Variants in KAZN observed in about 807,000 individuals in gnomAD.
The protein encoded by KAZN is kazrin.
KAZN carries 40 observed loss-of-function variants against 87.4 expected under a neutral mutation model. The ratio of observed to expected loss-of-function variants is 0.46; its 90% CI spans 0.36 to 0.60. The LOEUF is 0.60. Among genes scored for constraint, KAZN ranks in the 20% least tolerant of loss-of-function variants. KAZN has a pLI of 0.00. For synonymous variants in KAZN, 466 were observed against 458.3 expected (o/e 1.02, Z -0.22); for missense variants, 898 against 1,073.9 (o/e 0.84, Z 2.29).
chr1:14,447,557 A>G (rs371583842), intron 2 of KAZN, among the ~76,000 whole-genome samples: 4 of 151,792 alleles, frequency 2.6e-5, no homozygotes, highest in African/African-American at 9.7e-5. Flanking sequence ...CATTTTAACA[A>G]CCTAGACATT....
At chr1:14,656,031 C>G (rs916498827) in intron 1 of KAZN, among the ~76,000 whole-genome samples, 3 of 152,188 alleles carry the variant, frequency 2.0e-5, no homozygotes, top group African/African-American at 7.2e-5. Flanking sequence ...AACCTTCATT[C>G]AACCCACACT....
intron 1 of KAZN, among the ~76,000 whole-genome samples, chr1:13,901,283 A>G (rs911571187): frequency 2.0e-5 from 3 of 152,218 alleles, no homozygotes; most frequent in Non-Finnish European, 2.9e-5. Context: ...ATGTTAAATC[A>G]TACGGTCACC....
chr1:14,983,953 TAATTA>T (rs531193897), intron 2 of KAZN, among the ~76,000 whole-genome samples: 143 of 151,680 alleles, frequency 9.4e-4, no homozygotes, highest in African/African-American at 3.2e-3. Context: ...AAAAATAAAT[TAATTA>T]AATTAAATTA....
At chr1:14,093,501 C>T (rs1170783557) in intron 1 of KAZN, among the ~76,000 whole-genome samples, 1 of 152,104 alleles carries the variant, frequency 6.6e-6, no homozygotes, top group Non-Finnish European at 1.5e-5. Flanking sequence ...GAACTAATTC[C>T]TTCCCTGTCT....
chr1:14,156,895 G>A (rs1007801968), intron 1 of KAZN, among the ~76,000 whole-genome samples: 1 of 140,428 alleles, frequency 7.1e-6, no homozygotes, highest in African/African-American at 2.6e-5. Flanking sequence ...TTTTCTGGTT[G>A]TTTTGTGGTC....
At chr1:14,387,229 A>C (rs1661993934) in intron 2 of KAZN, among the ~76,000 whole-genome samples, 1 of 151,958 alleles carries the variant, frequency 6.6e-6, no homozygotes, top group Non-Finnish European at 1.5e-5. Flanking sequence ...TTTTTTTCAA[A>C]GTTTTCAACT....
intron 2 of KAZN, among the ~76,000 whole-genome samples, chr1:14,455,046 G>A (rs1370129621): frequency 8.4e-6 from 1 of 119,176 alleles, no homozygotes; most frequent in Non-Finnish European, 1.9e-5. Context: ...ACTTAGCAAT[G>A]AGCTTCCCCA....
intron 2 of KAZN, among the ~76,000 whole-genome samples, chr1:14,970,189 T>G (rs2311970): frequency 0.58 from 88,637 of 152,086 alleles, 29,206 homozygotes; most frequent in African/African-American, 0.9. Flanking sequence ...CAGAAAAGTT[T>G]CTAAGATAGT....
intron 1 of KAZN, among the ~76,000 whole-genome samples, chr1:14,855,050 T>C (rs941950333): frequency 2.0e-5 from 3 of 152,040 alleles, no homozygotes; most frequent in Non-Finnish European, 2.9e-5. Context: ...CAAGCAGACC[T>C]GGAGTGCAGA....
intron 2 of KAZN, among the ~76,000 whole-genome samples, chr1:14,181,638 T>C (rs1345507998): frequency 2.6e-5 from 4 of 152,180 alleles, no homozygotes; most frequent in Non-Finnish European, 5.9e-5. Flanking sequence ...CTTTCATTCC[T>C]ATTCACGGTT....
rs541484230 is a variant in KAZN at position 14,081,875 on chromosome 1, A to G, written c.92-98560A>G. Among the ~76,000 whole-genome samples the G allele has an allele frequency of 2.0e-5, 3 of 152,248 alleles. No homozygotes were observed. In the South Asian group the frequency reaches 6.2e-4, roughly 32 times the overall value. Reference sequence around the variant, plus strand: ...TAGATCAATCTTCTGGGCTTGATTGATCCTCCTACCTCAGCCTCCTGAGAA... The same window carrying G: ...TAGATCAATCTTCTGGGCTTGATTGGTCCTCCTACCTCAGCCTCCTGAGAA... On this transcript the variant is annotated intron_variant, in intron 1 of 16. Transcript: ENST00000636203.
chr1:14,515,359 A>C (rs748442502), intron 2 of KAZN, among the ~76,000 whole-genome samples: 1 of 152,084 alleles, frequency 6.6e-6, no homozygotes, highest in Admixed American at 6.5e-5. Context: ...GGAAACAATC[A>C]CTGAATGCCT....
chr1:14,396,168 CAA>C (rs764796102), intron 2 of KAZN, among the ~76,000 whole-genome samples: 4 of 120,950 alleles, frequency 3.3e-5, no homozygotes, highest in African/African-American at 6.2e-5. Context: ...GACTCCGTCT[CAA>C]AAAAAAAAAA....
chr1:14,758,149 C>T (rs1644626127), intron 1 of KAZN, among the ~76,000 whole-genome samples: 1 of 100,196 alleles, frequency 1.0e-5, no homozygotes, highest in Admixed American at 8.6e-5. Flanking sequence ...CCTCCTTCCT[C>T]CCTTCCTCCC....
chr1:14,863,107 T>G (rs1407671571), intron 1 of KAZN, among the ~76,000 whole-genome samples: 1 of 152,234 alleles, frequency 6.6e-6, no homozygotes, highest in Non-Finnish European at 1.5e-5. Context: ...TTCTTTCCAC[T>G]GTCAGGTGGT....
Position 14,151,001 on chromosome 1 carries a change from A to G in KAZN, c.92-29434A>G, listed in dbSNP as rs533922442. ...ACACACGTGTGGGTGTATATTCTCA[A>G]TTATATATGTGAATGTACCTACATT... On this transcript the variant is annotated intron_variant, in intron 1 of 16. Transcript: ENST00000636203. Among the ~76,000 whole-genome samples, 21 of 152,284 alleles carry G rather than the reference A, an allele frequency of 1.4e-4. No homozygotes were observed. The South Asian group carries it at 4.4e-3, about 32-fold the overall frequency.
At chr1:14,701,349 G>A (rs1488356769) in intron 1 of KAZN, among the ~76,000 whole-genome samples, 4 of 152,186 alleles carry the variant, frequency 2.6e-5, no homozygotes, top group African/African-American at 7.2e-5. Context: ...CAGGCTGGTC[G>A]TGAACTCCTG....
At chr1:14,095,198 G>A (rs990594045) in intron 1 of KAZN, among the ~76,000 whole-genome samples, 1 of 152,124 alleles carries the variant, frequency 6.6e-6, no homozygotes, top group Admixed American at 6.6e-5. Flanking sequence ...GTCCCTAGGG[G>A]GCAGTATTTC....
At chr1:14,254,332 A>G (rs1207069294) in intron 2 of KAZN, among the ~76,000 whole-genome samples, 2 of 152,202 alleles carry the variant, frequency 1.3e-5, no homozygotes, top group African/African-American at 4.8e-5. Context: ...CATCTGCAGA[A>G]ACTCAGAGAG....
Sources: gnomAD v4.1 joint callset for allele counts (sites outside exome capture counted in the v4.1 genomes callset) on GRCh38, gnomAD v4.1.1 for gene constraint, MANE v1.5 for transcripts, NCBI Gene and HGNC (gene_info 2026-07-23, HGNC 2026-07-21) for gene names.